TAFA1: variants seen among roughly 807,000 people sequenced by gnomAD.
TAFA1 encodes the protein TAFA chemokine like family member 1, also known as chemokine-like protein TAFA-1.
In TAFA1, 4 loss-of-function variants were observed where a neutral mutation model predicts 18.5. The observed-to-expected ratio is 0.22, with a 90% CI of 0.11 to 0.49. TAFA1 has a LOEUF of 0.49. Ranked by LOEUF, TAFA1 falls within the 20% of genes least tolerant of loss-of-function variation. TAFA1 has a pLI of 0.98. For missense variants in TAFA1, 147 were observed against 169.0 expected (o/e 0.87, Z 0.72); for synonymous variants, 56 against 55.2 (o/e 1.01, Z -0.06).
chr3:68,346,712 C>A (rs1359351296), intron 2 of TAFA1, among the ~76,000 whole-genome samples: 4 of 152,196 alleles, frequency 2.6e-5, no homozygotes, highest in Admixed American at 2.6e-4. Context: ...AAGCAGACTT[C>A]AGAGGCTTCA....
At chr3:68,354,453 A>G (rs1456864491) in intron 2 of TAFA1, among the ~76,000 whole-genome samples, 1 of 151,746 alleles carries the variant, frequency 6.6e-6, no homozygotes, top group African/African-American at 2.4e-5. Flanking sequence ...GCTACTCTCT[A>G]TTGCCTCCCA....
chr3:68,024,641 T>C (rs1022804143), intron 2 of TAFA1, among the ~76,000 whole-genome samples: 2 of 152,096 alleles, frequency 1.3e-5, no homozygotes, highest in African/African-American at 4.8e-5. Flanking sequence ...CAATACCAAG[T>C]GCTGCTTTCT....
chr3:68,281,467 C>CT (rs10713944), intron 2 of TAFA1, among the ~76,000 whole-genome samples: 1,664 of 111,672 alleles, frequency 0.015, 36 homozygotes, highest in East Asian at 0.096. Context: ...CCACATTAAC[C>CT]TTTTTTTTTT....
chr3:68,269,281 C>T (rs572973602), intron 2 of TAFA1, among the ~76,000 whole-genome samples: 1 of 152,050 alleles, frequency 6.6e-6, no homozygotes, highest in African/African-American at 2.4e-5. Context: ...GAGTGAGACC[C>T]TATCTTTACA....
At chr3:68,468,844 T>C (rs896743967) in intron 3 of TAFA1, among the ~76,000 whole-genome samples, 25 of 152,352 alleles carry the variant, frequency 1.6e-4, no homozygotes, top group African/African-American at 6.0e-4. Flanking sequence ...AAATGTAGTT[T>C]CTAAGAAAGA....
At chr3:68,392,442 G>A (rs2070281036) in intron 2 of TAFA1, among the ~76,000 whole-genome samples, 1 of 152,216 alleles carries the variant, frequency 6.6e-6, no homozygotes, top group Non-Finnish European at 1.5e-5. Flanking sequence ...GTCAATATCA[G>A]ACAGATCAAT....
At chr3:68,279,129 C>T (rs2067850725) in intron 2 of TAFA1, among the ~76,000 whole-genome samples, 1 of 152,130 alleles carries the variant, frequency 6.6e-6, no homozygotes, top group Admixed American at 6.6e-5. Flanking sequence ...TAACCTAGAA[C>T]CAAGGCCTTC....
chr3:68,321,214 C>G (rs1453241698), intron 2 of TAFA1, among the ~76,000 whole-genome samples: 2 of 152,142 alleles, frequency 1.3e-5, no homozygotes, highest in Non-Finnish European at 2.9e-5. Context: ...GCAATGAGAG[C>G]ATTGCCTGGC....
chr3:68,135,899 T>C (rs73834842), intron 2 of TAFA1, among the ~76,000 whole-genome samples: 2,657 of 152,314 alleles, frequency 0.017, 84 homozygotes, highest in African/African-American at 0.061. Context: ...CATATAAATG[T>C]ATTTCTTTTC....
intron 3 of TAFA1, among the ~76,000 whole-genome samples, chr3:68,458,865 A>G (rs911282456): frequency 1.3e-5 from 2 of 151,978 alleles, no homozygotes; most frequent in African/African-American, 4.8e-5. Flanking sequence ...ATACTTAGTA[A>G]TATCTGGGGC....
chr3:68,139,158 A>T (rs2065641271), intron 2 of TAFA1, among the ~76,000 whole-genome samples: 1 of 152,204 alleles, frequency 6.6e-6, no homozygotes. Context: ...CTGCATTGTT[A>T]TATCCATCAT....
intron 2 of TAFA1, among the ~76,000 whole-genome samples, chr3:68,232,988 C>G (rs2066889318): frequency 6.6e-6 from 1 of 152,104 alleles, no homozygotes; most frequent in African/African-American, 2.4e-5. Context: ...ATATGAGTTC[C>G]CTTTTCTCTG....
chr3:68,059,953 C>T (rs752693415), intron 2 of TAFA1, among the ~76,000 whole-genome samples: 1 of 152,018 alleles, frequency 6.6e-6, no homozygotes, highest in African/African-American at 2.4e-5. Flanking sequence ...TTCCTGGCCT[C>T]CTCCTCTGGG....
chr3:68,498,156 C>T (rs981341422), intron 3 of TAFA1, among the ~76,000 whole-genome samples: 2 of 152,158 alleles, frequency 1.3e-5, no homozygotes, highest in African/African-American at 4.8e-5. Flanking sequence ...TAACCTTTTG[C>T]TTCTTTTTCC....
intron 2 of TAFA1, among the ~76,000 whole-genome samples, chr3:68,153,709 C>T (rs913859235): frequency 6.6e-6 from 1 of 152,092 alleles, no homozygotes; most frequent in African/African-American, 2.4e-5. Flanking sequence ...GGCTAAGAGA[C>T]AGCCACTCCA....
intron 2 of TAFA1, among the ~76,000 whole-genome samples, chr3:68,248,664 C>T (rs999192275): frequency 3.5e-5 from 5 of 143,954 alleles, no homozygotes; most frequent in African/African-American, 1.3e-4. Flanking sequence ...AATGGCAAAC[C>T]TGGAGATGGG....
intron 3 of TAFA1, among the ~76,000 whole-genome samples, chr3:68,459,782 C>T (rs1055706620): frequency 1.3e-5 from 2 of 152,166 alleles, no homozygotes; most frequent in African/African-American, 2.4e-5. Context: ...TCATGAATAT[C>T]ATCCCCAGTG....
intron 3 of TAFA1, among the ~76,000 whole-genome samples, chr3:68,500,851 T>C (rs186804430): frequency 5.4e-4 from 82 of 152,026 alleles, no homozygotes; most frequent in African/African-American, 2.0e-3. Flanking sequence ...CCAAAGGAAA[T>C]TGAGATTCAG....
intron 2 of TAFA1, among the ~76,000 whole-genome samples, chr3:68,126,729 C>A (rs1172556783): frequency 2.0e-5 from 3 of 152,172 alleles, no homozygotes; most frequent in Non-Finnish European, 4.4e-5. Flanking sequence ...ATAAGGGAAG[C>A]TGGTATCAGA....
Sources: gnomAD v4.1 joint callset for allele counts (sites outside exome capture counted in the v4.1 genomes callset) on GRCh38, gnomAD v4.1.1 for gene constraint, MANE v1.5 for transcripts, NCBI Gene and HGNC (gene_info 2026-07-23, HGNC 2026-07-21) for gene names.